Variants in MMP3 observed in about 807,000 individuals in gnomAD.
The protein encoded by MMP3 is stromelysin-1.
A neutral mutation model predicts 47.3 loss-of-function variants in MMP3; 46 were observed. The ratio of observed to expected loss-of-function variants is 0.97; its 90% confidence interval spans 0.77 to 1.24. MMP3 has a LOEUF of 1.24. MMP3 is among the 50% of genes most tolerant of loss of function. MMP3 has a pLI of 0.00. For missense variants in MMP3, 558 were observed against 565.5 expected (o/e 0.99, Z 0.13); for synonymous variants, 216 against 206.5 (o/e 1.05, Z -0.39).
At chr11:102,842,399 T>A in intron 3 of MMP3, 32 bp downstream of exon 3, 1 of 1,220,324 alleles carries the variant, frequency 8.2e-7, no homozygotes, top group Non-Finnish European at 1.0e-6. Context: ...TTTTGTTTTG[T>A]TTTGCTTTTT....
At chr11:102,840,044 G>A in intron 6 of MMP3, 64 bp downstream of exon 6, 3 of 1,485,056 alleles carry the variant, frequency 2.0e-6, no homozygotes, top group South Asian at 2.6e-5. Flanking sequence ...TCAAGTTTCT[G>A]CGTGTTTTCC....
chr11:102,840,330 C>T (rs1858972633), intron 5 of MMP3, 78 bp from the exon 6 acceptor site: 1 of 1,586,406 alleles, frequency 6.3e-7, no homozygotes. Context: ...TCTCACGGTG[C>T]TTTGAACTAA....
intron 7 of MMP3, 97 bp from the exon 8 acceptor site, chr11:102,838,807 A>T (rs1555004991): frequency 1.0e-5 from 14 of 1,369,386 alleles, no homozygotes; most frequent in African/African-American, 1.5e-5. Context: ...TTCATGGTAA[A>T]GTAGTAGCCC....
intron 4 of MMP3, among the ~76,000 whole-genome samples, chr11:102,841,509 A>G (rs558800731): frequency 1.3e-5 from 2 of 152,224 alleles, no homozygotes; most frequent in East Asian, 1.9e-4. Flanking sequence ...TTGTTTTCCT[A>G]TTTTTTTAGA....
rs1325758584 is a variant in MMP3, at chr11:102,839,174, A to G, written c.1005T>C (p.Ser335=). ...ELHLISSFWP[S]LPSGVDAAYE... The stretch of plus-strand genomic sequence containing the variant: ...ATGCGGCATCCACGCCTGAAGGAAG[A>G]GATGGCCAAAATGAAGAGATCAAAT... Residue 335 remains serine, a synonymous_variant, in exon 7 of 10, where the codon TCT becomes TCC. Transcript: ENST00000299855. The G allele has an allele frequency of 1.1e-5, 18 of 1,614,046 alleles. No homozygotes were observed. The highest frequency in any genetic ancestry group is 1.5e-5 in the Non-Finnish European group (18 of 1,180,024).
Position 102,837,169 on chromosome 11 carries a change from A to C in MMP3, c.1333+129T>G. The C allele has an allele frequency of 1.5e-6, 1 of 656,124 alleles. No homozygotes were observed. The highest frequency in any genetic ancestry group is 2.7e-6 in the Non-Finnish European group (1 of 376,572). The allele number at this position is 656,124 out of a possible 1,614,324, so 40.6% of individuals were successfully genotyped here. A position where few individuals can be genotyped will look rare whatever the true frequency, so the allele number is the denominator to read the frequency against. ...CTATAATGAGTACAAATGTAGGCGA[A>C]TCAAAATTTTGAGAAGGGAACTGGC... is the stretch of plus-strand genomic sequence containing the variant. On this transcript the variant is annotated intron_variant, in intron 9 of 9. Coordinates refer to ENST00000299855, the MANE Select transcript of MMP3 (RefSeq NM_002422.5). This position sits in a 1 kb window ranked among gnomAD's most constrained non-coding sequence, Gnocchi z 4.4.
Position 102,842,584 on chromosome 11 carries a change from A to G in MMP3, c.351-5T>C. 2 of 1,613,614 alleles carry G rather than the reference A, an allele frequency of 1.2e-6. No homozygotes were observed. Among genetic ancestry groups the G allele is most frequent in the East Asian group, 2.2e-5 (1 of 44,890 alleles). Reference sequence around the variant, plus strand: ...TCTGGTGTATAATTCACAATCCTGTAGGAGAAAAATTGAAGCAGATGCTAT... The same window carrying G: ...TCTGGTGTATAATTCACAATCCTGTGGGAGAAAAATTGAAGCAGATGCTAT... On this transcript the variant is annotated splice_region_variant and splice_polypyrimidine_tract_variant and intron_variant, in intron 2 of 9. Transcript: ENST00000299855.
chr11:102,842,307 A>T (rs782404993), intron 3 of MMP3, 28 bp from the exon 4 acceptor site: 1 of 1,591,084 alleles, frequency 6.3e-7, no homozygotes, highest in Non-Finnish European at 8.5e-7. Context: ...TATTGGAAAG[A>T]TATGTAACAA....
At position 102,836,222 on chromosome 11, in the gene MMP3, G is replaced by T. The variant is rs1555004526; in HGVS notation, c.1338C>A (p.Phe446Leu). 6 of 1,611,480 alleles carry T rather than the reference G, an allele frequency of 3.7e-6. No homozygotes were observed. In the South Asian group the frequency reaches 6.6e-5, roughly 18 times the overall value. The change falls in exon 10 of 10, where the codon TTC becomes TTA. Residue 446 changes from phenylalanine to leucine, a missense_variant. Coordinates refer to ENST00000299855, the MANE Select transcript of MMP3 (RefSeq NM_002422.5). The surrounding 1 kb of genome is among the most constrained non-coding windows in gnomAD (Gnocchi z 4.6). ...KIDAVFEEFGFFYFFTGSSQL... is the reference protein window; with the variant it reads ...KIDAVFEEFGLFYFFTGSSQL... ...GTGAAGATCCAGTAAAGAAATAAAA[G>T]AACCCTGCAAATACAGACAAGGGAA...
At chr11:102,839,544 G>T (rs1022060631) in intron 6 of MMP3, among the ~76,000 whole-genome samples, 1 of 152,186 alleles carries the variant, frequency 6.6e-6, no homozygotes, top group African/African-American at 2.4e-5. Flanking sequence ...AAAACAGTGC[G>T]TGTGCTATAC....
At chr11:102,839,295 A>C in intron 6 of MMP3, 52 bp from the exon 7 acceptor site, 1 of 1,607,440 alleles carries the variant, frequency 6.2e-7, no homozygotes, top group Non-Finnish European at 8.5e-7. Flanking sequence ...TTTCACCTTT[A>C]GAATATTTTC....
In MMP3 at chr11:102,842,239, A is replaced by G. The variant is rs1329145900; in HGVS notation, c.540T>C (p.Val180=). The G allele has an allele frequency of 1.9e-6, 3 of 1,610,570 alleles. No individual in the cohort carries two copies. The highest frequency in any genetic ancestry group is 1.7e-6 in the Non-Finnish European group (2 of 1,179,064). The change falls in exon 4 of 10, where the codon GTT becomes GTC. Residue 180 remains valine (V), a synonymous_variant. Coordinates refer to ENST00000299855, the MANE Select transcript of MMP3 (RefSeq NM_002422.5). ...DFYPFDGPGN[V]LAHAYAPGPG... ...GCCCAGGGGCATAGGCATGGGCCAAAACATTTCCAGGTCCATCAAAAGGGT... is the reference window on the plus strand; with the variant it reads ...GCCCAGGGGCATAGGCATGGGCCAAGACATTTCCAGGTCCATCAAAAGGGT...
Position 102,837,250 on chromosome 11 carries a change from T to C in MMP3, c.1333+48A>G, listed in dbSNP as rs1394347996. ...AATGCTCCTCTTCCCTCTGATATCA[T>C]AAAATGTTTCAAGTGCTCTATGGCC... is the stretch of plus-strand genomic sequence containing the variant. On this transcript the variant is annotated intron_variant, in intron 9 of 9. Coordinates refer to ENST00000299855, the MANE Select transcript of MMP3 (RefSeq NM_002422.5). This position sits in a 1 kb window ranked among gnomAD's most constrained non-coding sequence, Gnocchi z 4.4. 8.5e-6 allele frequency: 12 copies of C among 1,419,756 alleles called. No individual in the cohort carries two copies. Among genetic ancestry groups the C allele is most frequent in the Non-Finnish European group, 1.2e-5 (12 of 1,006,384 alleles). 87.9% of individuals were successfully genotyped at this position (1,419,756 alleles called of 1,614,324 possible). A position where few individuals can be genotyped will look rare whatever the true frequency, so the allele number is the denominator to read the frequency against.
In MMP3 at chr11:102,840,046, G is replaced by A. The variant is rs3025092; in HGVS notation, c.935+62C>T. 2,697 of 1,495,624 alleles carry A rather than the reference G, an allele frequency of 1.8e-3. 7 individuals are homozygous for A. Among genetic ancestry groups the A allele is most frequent in the Non-Finnish European group, 2.3e-3 (2,549 of 1,104,094 alleles). The allele number at this position is 1,495,624 out of a possible 1,614,324, so 92.6% of individuals were successfully genotyped here. On this transcript the variant is annotated intron_variant, in intron 6 of 9. Transcript: ENST00000299855. ...CTAAGAATCTCTATCAAGTTTCTGC[G>A]TGTTTTCCTTTCTAAACATTGTAGA...
rs1858896930 is a variant in MMP3 at position 102,837,175 on chromosome 11, A to G, written c.1333+123T>C. On this transcript the variant is annotated intron_variant, in intron 9 of 9. Transcript: ENST00000299855. The surrounding 1 kb of genome is among the most constrained non-coding windows in gnomAD (Gnocchi z 4.4). The stretch of plus-strand genomic sequence containing the variant: ...TGAGTACAAATGTAGGCGAATCAAA[A>G]TTTTGAGAAGGGAACTGGCCCTAAG... 3 of 686,398 alleles carry G rather than the reference A, an allele frequency of 4.4e-6. No individual in the cohort carries two copies. Among genetic ancestry groups the G allele is most frequent in the South Asian group, 1.9e-5 (1 of 52,344 alleles). 42.5% of individuals were successfully genotyped at this position (686,398 alleles called of 1,614,324 possible).
chr11:102,838,302 G>A (rs894724252), intron 8 of MMP3, among the ~76,000 whole-genome samples: 4 of 152,096 alleles, frequency 2.6e-5, no homozygotes, highest in Admixed American at 2.0e-4. Flanking sequence ...GTTGAGGAGA[G>A]AAGAGGGGGC....
intron 4 of MMP3, among the ~76,000 whole-genome samples, chr11:102,841,449 G>A (rs1858995672): frequency 6.6e-6 from 1 of 152,018 alleles, no homozygotes; most frequent in Non-Finnish European, 1.5e-5. Flanking sequence ...GTCCTACAGA[G>A]GTTTACATTT....
chr11:102,842,850 C>T lies in MMP3; in HGVS notation c.172G>A (p.Gly58Ser), dbSNP rs782654888. The change falls in exon 2 of 10, where the codon GGT becomes AGT. Residue 58 changes from glycine to serine, a missense_variant. Transcript: ENST00000299855. ...TCTCGGATTTTTTTAACAACAGGAC[C>T]ACTGTCCTTTCTCCTAACAAACTGT... ...VKQFVRRKDS[G>S]PVVKKIREMQ... 6.2e-7 allele frequency: 1 copy of T among 1,613,606 alleles called. No individual in the cohort carries two copies. Among genetic ancestry groups the T allele is most frequent in the African/African-American group, 1.3e-5 (1 of 75,016 alleles).
intron 3 of MMP3, 58 bp from the exon 4 acceptor site, chr11:102,842,337 T>C: frequency 1.9e-6 from 3 of 1,571,658 alleles, no homozygotes; most frequent in Admixed American, 2.0e-5. Flanking sequence ...TTGAGCCTTT[T>C]CCAGTACAAC....
Sources: gnomAD v4.1 joint callset for allele counts (sites outside exome capture counted in the v4.1 genomes callset) on GRCh38, gnomAD v4.1.1 for gene constraint, Gnocchi (gnomAD v3.1) non-coding constraint, MANE v1.5 for transcripts, NCBI Gene and HGNC (gene_info 2026-07-23, HGNC 2026-07-21) for gene names.